SLC14A2: variants seen among roughly 807,000 people sequenced by gnomAD.
The protein encoded by SLC14A2 is solute carrier family 14 member 2.
Under a neutral mutation model 104.6 loss-of-function variants are expected in SLC14A2, and 91 were observed. That is an observed-to-expected ratio of 0.87 (90% CI 0.73 to 1.04). The LOEUF (loss-of-function observed/expected upper bound fraction) is 1.04, where lower values mean the gene tolerates loss of function less well. Ranked by LOEUF, SLC14A2 falls within the 50% of genes least tolerant of loss-of-function variation. The probability of loss-of-function intolerance (pLI) is 0.00; values close to 1 mark genes in which losing one functional copy is unlikely to be tolerated. For synonymous variants in SLC14A2, 476 were observed against 466.4 expected, an observed-to-expected ratio of 1.02 and a Z score of -0.27; for missense variants, 1,189 against 1,156.0, an observed-to-expected ratio of 1.03 and a Z score of -0.41.
chr18:45,197,560 C>T, the SLC14A2 span, among the ~76,000 whole-genome samples: 3 of 152,200 alleles, frequency 2.0e-5, no homozygotes, highest in Admixed American at 1.3e-4. Context: ...TGGGTTCTAT[C>T]CCACCAACCC....
At chr18:45,371,928 T>C (rs1341571215) in intron 1 of SLC14A2, among the ~76,000 whole-genome samples, 2 of 152,322 alleles carry the variant, frequency 1.3e-5, no homozygotes, top group Non-Finnish European at 2.9e-5. Flanking sequence ...AGTTAAGTGT[T>C]CTTGAAAATA....
chr18:45,513,490 G>T (rs917560330), intron 2 of SLC14A2, among the ~76,000 whole-genome samples: 3 of 152,140 alleles, frequency 2.0e-5, no homozygotes, highest in Non-Finnish European at 4.4e-5. Flanking sequence ...TTGTGTAATG[G>T]CACTTCATTT....
At chr18:45,538,852 T>A (rs1469106205) in intron 2 of SLC14A2, among the ~76,000 whole-genome samples, 1 of 105,650 alleles carries the variant, frequency 9.5e-6, no homozygotes, top group Non-Finnish European at 2.0e-5. Context: ...CCCCTTCCCT[T>A]TTTTTTTTTT....
Position 45,303,248 on chromosome 18 carries a change from C to A in SLC14A2, c.-125+90057C>A, listed in dbSNP as rs143300438. Among the ~76,000 whole-genome samples the A allele has an allele frequency of 2.0e-3, 307 of 152,226 alleles. 2 individuals carry two copies. The highest frequency in any genetic ancestry group is 7.2e-3 in the African/African-American group (298 of 41,538). On this transcript the variant is annotated intron_variant, in intron 1 of 20. Transcript: ENST00000586448. The stretch of plus-strand genomic sequence containing the variant: ...AACAGCTGGCTTGGTTACCAGCTGG[C>A]GTTTGCCTTATTTGAACATAGTTTG...
At chr18:45,502,834 G>T (rs2043219206) in intron 2 of SLC14A2, among the ~76,000 whole-genome samples, 1 of 151,818 alleles carries the variant, frequency 6.6e-6, no homozygotes, top group Non-Finnish European at 1.5e-5. Context: ...TCAGACCCAG[G>T]ATCCTGGATT....
chr18:45,471,009 TC>T lies in SLC14A2; in HGVS notation c.-124-12222del, dbSNP rs560681314. Among the ~76,000 whole-genome samples, 32 of 152,126 alleles carry T rather than the reference TC, an allele frequency of 2.1e-4. No homozygotes were observed. In the South Asian group the frequency reaches 5.8e-3, roughly 28 times the overall value. On this transcript the variant is annotated intron_variant, in intron 1 of 20. Transcript: ENST00000586448. ...GTTTGTGTGTGTGTGTGTGTTGTAA[TC>T]CTAAAGTCATTAACAACCCACCACC...
intron 1 of SLC14A2, among the ~76,000 whole-genome samples, chr18:45,340,803 G>A (rs1052773028): frequency 2.0e-5 from 3 of 152,178 alleles, no homozygotes; most frequent in African/African-American, 7.2e-5. Context: ...TTGAGTTCTG[G>A]TTCCTGCGAT....
intron 1 of SLC14A2, among the ~76,000 whole-genome samples, chr18:45,470,222 T>G (rs1312851283): frequency 6.6e-6 from 1 of 152,236 alleles, no homozygotes; most frequent in Admixed American, 6.5e-5. Context: ...TTTACTGTTT[T>G]GAGCCCTGTA....
At chr18:45,287,136 G>A (rs192801974) in intron 1 of SLC14A2, among the ~76,000 whole-genome samples, 3 of 152,288 alleles carry the variant, frequency 2.0e-5, no homozygotes, top group African/African-American at 7.2e-5. Flanking sequence ...TTCCTAAATA[G>A]CCTCTGGAAG....
intron 1 of SLC14A2, among the ~76,000 whole-genome samples, chr18:45,429,404 C>T (rs1029667862): frequency 6.6e-6 from 1 of 152,272 alleles, no homozygotes; most frequent in East Asian, 1.9e-4. Context: ...ATTTGAGAGG[C>T]ATGGACCTCT....
chr18:45,682,361 C>A lies in SLC14A2; in HGVS notation c.2605C>A (p.Leu869Ile). The A allele has an allele frequency of 6.2e-7, 1 of 1,614,164 alleles. No homozygotes were observed. The highest frequency in any genetic ancestry group is 1.6e-4 in the Middle Eastern group (1 of 6,062). The change falls in exon 20 of 20, where the codon CTC becomes ATC. Residue 869 changes from leucine (L) to isoleucine (I), a missense_variant. Physicochemically the swap from Leu to Ile is conservative, Grantham distance 5 (BLOSUM62 2). Transcript: ENST00000255226. The part of the protein sequence containing the change: ...PCTWPFCLSA[L>I]TFLLLTTNNP... ...CACTTGGCCCTTCTGTCTCTCAGCT[C>A]TCACCTTCCTGCTCCTGACGACCAA...
chr18:45,392,415 G>A (rs1042960919), intron 1 of SLC14A2, among the ~76,000 whole-genome samples: 7 of 152,304 alleles, frequency 4.6e-5, no homozygotes, highest in African/African-American at 1.4e-4. Context: ...AAGCCTCATT[G>A]CCCTCACAGT....
intron 2 of SLC14A2, among the ~76,000 whole-genome samples, chr18:45,486,542 C>T (rs926243110): frequency 6.6e-6 from 1 of 152,108 alleles, no homozygotes; most frequent in Non-Finnish European, 1.5e-5. Flanking sequence ...TAGCAAAAAG[C>T]AAAATGACAA....
chr18:45,362,478 A>G (rs553758471), intron 1 of SLC14A2, among the ~76,000 whole-genome samples: 8 of 152,224 alleles, frequency 5.3e-5, no homozygotes, highest in African/African-American at 1.9e-4. Context: ...GGCTATTCGC[A>G]TCCAGCCCAA....
At chr18:45,629,946 GTACCT>G (rs2045319386) in intron 4 of SLC14A2, among the ~76,000 whole-genome samples, 2 of 152,156 alleles carry the variant, frequency 1.3e-5, no homozygotes, top group Non-Finnish European at 2.9e-5. Context: ...GACACCAGCT[GTACCT>G]CTGTCTATCT....
At chr18:45,233,694 C>T (rs1021773986) in intron 1 of SLC14A2, among the ~76,000 whole-genome samples, 7 of 152,048 alleles carry the variant, frequency 4.6e-5, no homozygotes, top group African/African-American at 7.3e-5. Flanking sequence ...TATTGCCTCC[C>T]GAGGTGGTCT....
rs181859816 is a variant in SLC14A2 at position 45,583,603 on chromosome 18, G to T, written c.-34-41028G>T. 3.3e-5 allele frequency among the ~76,000 whole-genome samples: 5 copies of T among 152,080 alleles called. 1 individual carries two copies. The highest frequency in any genetic ancestry group is 1.2e-4 in the African/African-American group (5 of 41,484). On this transcript the variant is annotated intron_variant, in intron 2 of 20. Coordinates refer to the SLC14A2 transcript ENST00000586448. Reference sequence around the variant, plus strand: ...TGAATGAGATAAGACAGGCACTAGGGGAAAGAAACAAAAGAAAGCACCCAA... The same window carrying T: ...TGAATGAGATAAGACAGGCACTAGGTGAAAGAAACAAAAGAAAGCACCCAA...
chr18:45,567,637 G>A (rs2044285218), intron 2 of SLC14A2, among the ~76,000 whole-genome samples: 1 of 152,184 alleles, frequency 6.6e-6, no homozygotes, highest in Admixed American at 6.5e-5. Flanking sequence ...TGGGGAGTGT[G>A]AGGAAGGCAG....
In SLC14A2 at chr18:45,283,332, T is replaced by G. The variant is rs545338011; in HGVS notation, c.-125+70141T>G. On this transcript the variant is annotated intron_variant, in intron 1 of 20. Transcript: ENST00000586448. ...CAGTCACTAGCACAGCTTATAATGC[T>G]GTGACCCTCCTGACTTACTGAGACT... Among the ~76,000 whole-genome samples the G allele has an allele frequency of 2.9e-5, 4 of 139,520 alleles. No homozygotes were observed. In the East Asian group the frequency reaches 8.0e-4, roughly 28 times the overall value. The allele number at this position is 139,520 out of a possible 152,430, so 91.5% of individuals were successfully genotyped here. A position where few individuals can be genotyped will look rare whatever the true frequency, so the allele number is the denominator to read the frequency against.
Sources: allele counts gnomAD v4.1 joint callset (sites outside exome capture counted in the v4.1 genomes callset), GRCh38; gene constraint gnomAD v4.1.1; transcripts MANE v1.5; gene names NCBI Gene and HGNC (gene_info 2026-07-23, HGNC 2026-07-21).